Variants in MAGI2 observed in about 807,000 individuals in gnomAD.
MAGI2 encodes the protein membrane associated guanylate kinase, WW and PDZ domain containing 2, also known as membrane-associated guanylate kinase, WW and PDZ domain-containing protein 2.
MAGI2 carries 35 observed loss-of-function variants against 133.3 expected under a neutral mutation model. The observed-to-expected ratio is 0.26, with a 90% CI of 0.20 to 0.35. MAGI2 has a LOEUF of 0.35. Ranked by LOEUF, MAGI2 falls within the 10% of genes least tolerant of loss-of-function variation. MAGI2 has a pLI of 1.00. For missense variants in MAGI2, 1,636 were observed against 1,863.4 expected (o/e 0.88, Z 2.25); for synonymous variants, 729 against 710.6 (o/e 1.03, Z -0.41).
intron 21 of MAGI2, among the ~76,000 whole-genome samples, chr7:78,058,892 G>A (rs1389923095): frequency 6.6e-6 from 1 of 152,142 alleles, no homozygotes; most frequent in Non-Finnish European, 1.5e-5. Flanking sequence ...TTTCCCTGAT[G>A]ATGGCTCTGC....
chr7:78,432,178 A>C (rs1300908538), intron 6 of MAGI2, among the ~76,000 whole-genome samples: 1 of 151,694 alleles, frequency 6.6e-6, no homozygotes, highest in Non-Finnish European at 1.5e-5. Flanking sequence ...CATTCTGTAC[A>C]TTAGAACACA....
intron 20 of MAGI2, among the ~76,000 whole-genome samples, chr7:78,105,103 TA>T (rs1818551875): frequency 6.6e-6 from 1 of 151,432 alleles, no homozygotes; most frequent in Non-Finnish European, 1.5e-5. Context: ...TCACATTTTT[TA>T]AACTTTATAG....
At chr7:78,037,434 G>A (rs1268999983) in intron 21 of MAGI2, among the ~76,000 whole-genome samples, 1 of 152,210 alleles carries the variant, frequency 6.6e-6, no homozygotes, top group Non-Finnish European at 1.5e-5. Flanking sequence ...GCCCTCATCG[G>A]TGTTGATAAA....
At chr7:78,573,074 T>C (rs201697128) in intron 3 of MAGI2, among the ~76,000 whole-genome samples, 7,045 of 75,188 alleles carry the variant, frequency 0.094, 404 homozygotes, top group African/African-American at 0.14. Context: ...TATATATATA[T>C]ATACACACAC....
chr7:79,223,499 CTA>C (rs1830616225), intron 1 of MAGI2, among the ~76,000 whole-genome samples: 1 of 151,914 alleles, frequency 6.6e-6, no homozygotes, highest in East Asian at 1.9e-4. Flanking sequence ...CCTAAAATTC[CTA>C]TGAGGAAGAT....
chr7:78,888,578 C>A (rs554870699), intron 2 of MAGI2, among the ~76,000 whole-genome samples: 74 of 152,238 alleles, frequency 4.9e-4, no homozygotes, highest in Non-Finnish European at 8.8e-4. Context: ...CACCAATATC[C>A]GCTGTTCTTC....
chr7:78,221,996 G>A (rs1788878904), intron 10 of MAGI2, among the ~76,000 whole-genome samples: 2 of 152,192 alleles, frequency 1.3e-5, no homozygotes, highest in East Asian at 2.0e-4. Context: ...GCTGTAGTGA[G>A]CTATGATTGC....
intron 3 of MAGI2, among the ~76,000 whole-genome samples, chr7:78,585,901 C>A (rs763345761): frequency 6.6e-6 from 1 of 152,070 alleles, no homozygotes; most frequent in Non-Finnish European, 1.5e-5. Context: ...GTAGATGAAC[C>A]CCAGAGAATG....
chr7:78,368,800 C>T (rs1210815981), intron 7 of MAGI2, among the ~76,000 whole-genome samples: 1 of 152,076 alleles, frequency 6.6e-6, no homozygotes, highest in African/African-American at 2.4e-5. Flanking sequence ...TAATTGACTT[C>T]GAAATCTGTT....
intron 3 of MAGI2, among the ~76,000 whole-genome samples, chr7:78,541,025 C>T (rs1400093411): frequency 2.0e-5 from 3 of 152,166 alleles, no homozygotes; most frequent in Non-Finnish European, 2.9e-5. Context: ...TATGTTCCTG[C>T]AGTAGTTCTT....
chr7:78,430,563 C>T (rs1235872454), intron 6 of MAGI2, among the ~76,000 whole-genome samples: 1 of 151,952 alleles, frequency 6.6e-6, no homozygotes, highest in Non-Finnish European at 1.5e-5. Context: ...ATCAGAAGTT[C>T]ATTACTTTCT....
intron 6 of MAGI2, among the ~76,000 whole-genome samples, chr7:78,436,621 A>T (rs1014967467): frequency 1.3e-5 from 2 of 152,200 alleles, no homozygotes; most frequent in Non-Finnish European, 2.9e-5. Flanking sequence ...TGATTTCATC[A>T]TTAGCTTTCA....
chr7:79,311,239 ATCAGGTG>A (rs957958789), intron 1 of MAGI2, among the ~76,000 whole-genome samples: 1 of 152,138 alleles, frequency 6.6e-6, no homozygotes, highest in Non-Finnish European at 1.5e-5. Flanking sequence ...ATGCCTCTAA[ATCAGGTG>A]TGTCCGATCT....
At chr7:78,744,437 T>C (rs1822736043) in intron 2 of MAGI2, among the ~76,000 whole-genome samples, 2 of 152,190 alleles carry the variant, frequency 1.3e-5, no homozygotes, top group African/African-American at 4.8e-5. Flanking sequence ...TTCTTATTAA[T>C]CTGGTTGATT....
intron 7 of MAGI2, among the ~76,000 whole-genome samples, chr7:78,346,910 G>C (rs888105898): frequency 6.6e-6 from 1 of 152,192 alleles, no homozygotes; most frequent in Non-Finnish European, 1.5e-5. Context: ...AGAAGGAATG[G>C]AAGAGAAACT....
At chr7:79,262,998 A>T (rs1834188006) in intron 1 of MAGI2, among the ~76,000 whole-genome samples, 1 of 152,146 alleles carries the variant, frequency 6.6e-6, no homozygotes, top group Non-Finnish European at 1.5e-5. Flanking sequence ...GGAGTTCCCA[A>T]ATGTTGTTGT....
At chr7:78,536,759 GTTT>G (rs55740303) in intron 3 of MAGI2, among the ~76,000 whole-genome samples, 21,291 of 122,356 alleles carry the variant, frequency 0.17, 1,370 homozygotes, top group Non-Finnish European at 0.19. Flanking sequence ...TTTTGTTGTT[GTTT>G]TTTTTTTTTT....
chr7:78,572,412 T>G (rs1018450770), intron 3 of MAGI2, among the ~76,000 whole-genome samples: 1 of 152,114 alleles, frequency 6.6e-6, no homozygotes, highest in Admixed American at 6.5e-5. Flanking sequence ...GAGGCAAAAG[T>G]TCATAGATGT....
intron 1 of MAGI2, among the ~76,000 whole-genome samples, chr7:79,033,887 T>C (rs1329270855): frequency 6.6e-6 from 1 of 152,190 alleles, no homozygotes; most frequent in Non-Finnish European, 1.5e-5. Flanking sequence ...TAATTTTATA[T>C]CTTTGAGTTC....
Sources: allele counts gnomAD v4.1 joint callset (sites outside exome capture counted in the v4.1 genomes callset), GRCh38; gene constraint gnomAD v4.1.1; transcripts MANE v1.5; gene names NCBI Gene and HGNC (gene_info 2026-07-23, HGNC 2026-07-21).